Variants in GAPVD1 observed in about 807,000 individuals in gnomAD.
GAPVD1 encodes the protein GTPase activating protein and VPS9 domains 1.
In GAPVD1, 35 loss-of-function variants were observed where a neutral mutation model predicts 155.5. The ratio of observed to expected loss-of-function variants is 0.23; its 90% CI spans 0.17 to 0.30. The LOEUF (loss-of-function observed/expected upper bound fraction) is 0.30, where lower values mean the gene tolerates loss of function less well. GAPVD1 is among the 10% of genes least tolerant of loss of function. The probability of loss-of-function intolerance (pLI) is 1.00; values close to 1 mark genes in which losing one functional copy is unlikely to be tolerated. For synonymous variants in GAPVD1, 636 were observed against 619.7 expected, an observed-to-expected ratio of 1.03 and a Z score of -0.39; for missense variants, 1,429 against 1,775.7, an observed-to-expected ratio of 0.80 and a Z score of 3.51.
chr9:125,292,117 A>C (rs10739661), intron 2 of GAPVD1, among the ~76,000 whole-genome samples: 150,402 of 152,134 alleles, frequency 0.99, 74,362 homozygotes, highest in East Asian at 1. Flanking sequence ...GTGTCATATA[A>C]CTACAGCTAC....
At chr9:125,275,036 T>TTTG (rs1311018051) in intron 2 of GAPVD1, among the ~76,000 whole-genome samples, 1 of 152,084 alleles carries the variant, frequency 6.6e-6, no homozygotes, top group Admixed American at 6.6e-5. Flanking sequence ...ATCTTTCTTT[T>TTTG]TTGTTGTTGT....
Position 125,299,076 on chromosome 9 carries a change from G to T in GAPVD1, c.155G>T (p.Arg52Ile), listed in dbSNP as rs1274210783. 4 of 1,600,746 alleles carry T rather than the reference G, an allele frequency of 2.5e-6. No homozygotes were observed. The African/African-American group carries it at 4.0e-5, about 16-fold the overall frequency. ...ACAGCATGGATTGCGAAGCAACAGA[G>T]AATCAATTTGGATCGGCTTATCATA... ...YRTAWIAKQQRINLDRLIITS... is the reference protein window; with the variant it reads ...YRTAWIAKQQIINLDRLIITS... Residue 52 changes from arginine to isoleucine, a missense_variant, in exon 4 of 28, where the codon AGA becomes ATA. Physicochemically the swap from Arg to Ile is moderately conservative, Grantham distance 97 (BLOSUM62 -3). This residue lies in a region of GAPVD1 where 628 missense variants were observed against 733.4 expected (regional missense o/e 0.86). Transcript: ENST00000297933.
rs187902342 is a variant in GAPVD1, at chr9:125,296,333, A to C, written c.-33+759A>C. Among the ~76,000 whole-genome samples, 720 of 124,288 alleles carry C rather than the reference A, an allele frequency of 5.8e-3. 6 individuals carry two copies. Among genetic ancestry groups the C allele is most frequent in the Middle Eastern group, 0.024 (4 of 170 alleles). The allele number at this position is 124,288 out of a possible 152,430, so 81.5% of individuals were successfully genotyped here. A position where few individuals can be genotyped will look rare whatever the true frequency, so the allele number is the denominator to read the frequency against. On this transcript the variant is annotated intron_variant, in intron 3 of 27. Coordinates refer to ENST00000297933, the MANE Select transcript of GAPVD1 (RefSeq NM_001282680.3). ...GCTGGGATTACAGGTGTGAGCCACCACACCCGGCCACATATAGTTCTTAGG... is the reference window on the plus strand; with the variant it reads ...GCTGGGATTACAGGTGTGAGCCACCCCACCCGGCCACATATAGTTCTTAGG...
At position 125,337,214 on chromosome 9, in the gene GAPVD1, G is replaced by A. The variant is rs766463126; in HGVS notation, c.2507-7G>A. 1 of 1,612,332 alleles carries A rather than the reference G, an allele frequency of 6.2e-7. No homozygotes were observed. Among genetic ancestry groups the A allele is most frequent in the Non-Finnish European group, 8.5e-7 (1 of 1,179,204 alleles). ...TCAGTTACAAAACTTTTTTTCCTGT[G>A]TTGCAGGGGCTTCTGCTGTGGTAAG... On this transcript the variant is annotated splice_region_variant and splice_polypyrimidine_tract_variant and intron_variant, in intron 16 of 27. Coordinates refer to ENST00000297933, the MANE Select transcript of GAPVD1 (RefSeq NM_001282680.3).
intron 11 of GAPVD1, among the ~76,000 whole-genome samples, chr9:125,324,940 C>G (rs747339293): frequency 5.9e-5 from 9 of 151,886 alleles, no homozygotes; most frequent in Admixed American, 2.0e-4. Flanking sequence ...AGATGATGCC[C>G]TTGGCCAGGT....
chr9:125,280,015 G>A (rs553967473), intron 2 of GAPVD1, among the ~76,000 whole-genome samples: 2 of 151,114 alleles, frequency 1.3e-5, no homozygotes, highest in South Asian at 2.1e-4. Context: ...ACTCAACCTC[G>A]GCCTCCCAAA....
intron 27 of GAPVD1, among the ~76,000 whole-genome samples, chr9:125,361,632 A>T (rs1850934095): frequency 6.6e-6 from 1 of 152,152 alleles, no homozygotes; most frequent in Admixed American, 6.5e-5. Flanking sequence ...CATCTTCTTT[A>T]ATATGGAATT....
chr9:125,329,661 CCCAAAATGACACGG>C (rs1411774673), intron 12 of GAPVD1, among the ~76,000 whole-genome samples: 2 of 148,622 alleles, frequency 1.3e-5, no homozygotes, highest in Admixed American at 1.3e-4. Context: ...GAGACAAAGT[CCCAAAATGACACGG>C]CCATTTTTAT....
intron 21 of GAPVD1, among the ~76,000 whole-genome samples, chr9:125,349,938 G>A (rs549020802): frequency 3.3e-5 from 5 of 152,266 alleles, no homozygotes; most frequent in Admixed American, 1.3e-4. Flanking sequence ...GTGCCAGAAG[G>A]CATTCCAAAT....
intron 2 of GAPVD1, among the ~76,000 whole-genome samples, chr9:125,293,534 C>G (rs1193029108): frequency 1.4e-5 from 2 of 145,262 alleles, no homozygotes; most frequent in Non-Finnish European, 3.0e-5. Flanking sequence ...ACTCTAACCT[C>G]TGCCACCCGG....
chr9:125,355,249 G>A (rs1849900642), intron 24 of GAPVD1, among the ~76,000 whole-genome samples: 2 of 151,632 alleles, frequency 1.3e-5, no homozygotes, highest in Non-Finnish European at 2.9e-5. Flanking sequence ...GGGATTATAG[G>A]CACGTGCCAC....
intron 10 of GAPVD1, 54 bp downstream of exon 10, chr9:125,321,616 G>A: frequency 3.2e-6 from 5 of 1,540,512 alleles, no homozygotes; most frequent in East Asian, 2.3e-5. Context: ...AGTTTGTTTT[G>A]TGTTTTTTAA....
chr9:125,293,672 TAA>T (rs1271202010), intron 2 of GAPVD1, among the ~76,000 whole-genome samples: 1 of 130,500 alleles, frequency 7.7e-6, no homozygotes, highest in Non-Finnish European at 1.6e-5. Context: ...ATATATAATA[TAA>T]AAATATATAT....
rs1422632845 is a variant in GAPVD1 at position 125,307,283 on chromosome 9, A to C, written c.1117-130A>C. The C allele has an allele frequency of 3.3e-5, 23 of 695,458 alleles. No homozygotes were observed. In the East Asian group the frequency reaches 6.3e-4, roughly 19 times the overall value. 43.1% of individuals were successfully genotyped at this position (695,458 alleles called of 1,614,324 possible). A position where few individuals can be genotyped will look rare whatever the true frequency, so the allele number is the denominator to read the frequency against. On this transcript the variant is annotated intron_variant, in intron 6 of 27. Coordinates refer to ENST00000297933, the MANE Select transcript of GAPVD1 (RefSeq NM_001282680.3). Reference sequence around the variant, plus strand: ...AACTTTGTCTCAAAAAAAAAAAAAAAAATTCAACATCTTAAAAAAATATGA... The same window carrying C: ...AACTTTGTCTCAAAAAAAAAAAAAACAATTCAACATCTTAAAAAAATATGA...
At chr9:125,320,791 A>C (rs1844215522) in intron 9 of GAPVD1, among the ~76,000 whole-genome samples, 1 of 151,824 alleles carries the variant, frequency 6.6e-6, no homozygotes, top group South Asian at 2.1e-4. Flanking sequence ...AAGCCCGGCT[A>C]ATTTTTTTTG....
intron 1 of GAPVD1, among the ~76,000 whole-genome samples, chr9:125,262,860 C>G (rs1833159775): frequency 6.6e-6 from 1 of 152,106 alleles, no homozygotes; most frequent in South Asian, 2.1e-4. Context: ...GCCAGAGTAG[C>G]ATTAGCAGCG....
chr9:125,356,827 A>G lies in GAPVD1; in HGVS notation c.3971+970A>G, dbSNP rs1850147119. Among the ~76,000 whole-genome samples, 3 of 152,150 alleles carry G rather than the reference A, an allele frequency of 2.0e-5. No homozygotes were observed. In the South Asian group the frequency reaches 6.2e-4, roughly 32 times the overall value. The stretch of plus-strand genomic sequence containing the variant: ...GCTGAGACTACAGGCATGTGCCACC[A>G]TGCCCTGCTAATTTTTTTTGTATTT... On this transcript the variant is annotated intron_variant, in intron 25 of 27. Coordinates refer to ENST00000297933, the MANE Select transcript of GAPVD1 (RefSeq NM_001282680.3).
At chr9:125,287,525 G>T (rs1309485479) in intron 2 of GAPVD1, among the ~76,000 whole-genome samples, 1 of 152,030 alleles carries the variant, frequency 6.6e-6, no homozygotes, top group East Asian at 1.9e-4. Context: ...AAAAATAAAA[G>T]AAAAATGGGA....
intron 26 of GAPVD1, chr9:125,359,934 A>G (rs1850674184): frequency 6.4e-6 from 1 of 156,560 alleles, no homozygotes; most frequent in Admixed American, 6.3e-5. Flanking sequence ...TACATCTCTT[A>G]GAAAATAAGA....
Sources: gnomAD v4.1 joint callset for allele counts (sites outside exome capture counted in the v4.1 genomes callset) on GRCh38, gnomAD v4.1.1 for gene constraint, gnomAD v4.1.1 regional missense constraint, MANE v1.5 for transcripts, NCBI Gene and HGNC (gene_info 2026-07-23, HGNC 2026-07-21) for gene names.